Variants in ENTREP2 observed in about 807,000 individuals in gnomAD.
The protein encoded by ENTREP2 is protein ENTREP2.
At chr15:29,544,433 A>AC in the ENTREP2 span, among the ~76,000 whole-genome samples, 1 of 50,080 alleles carries the variant, frequency 2.0e-5, no homozygotes, top group Non-Finnish European at 3.8e-5. Context: ...ATGGCTGCAC[A>AC]GCCATGTGAA....
chr15:29,256,065 C>T, the ENTREP2 span, among the ~76,000 whole-genome samples: 2 of 151,262 alleles, frequency 1.3e-5, no homozygotes, highest in African/African-American at 4.9e-5. Context: ...AGCTGGAGTC[C>T]ATATTATATG....
the ENTREP2 span, among the ~76,000 whole-genome samples, chr15:29,561,491 T>A: frequency 1.3e-5 from 2 of 152,070 alleles, no homozygotes; most frequent in South Asian, 2.1e-4. Context: ...ATCGAGACCA[T>A]CTTGGCTAAC....
At chr15:29,555,130 G>C in the ENTREP2 span, among the ~76,000 whole-genome samples, 1 of 152,214 alleles carries the variant, frequency 6.6e-6, no homozygotes. Flanking sequence ...CACAGAGAGA[G>C]AAGGAACCGG....
At chr15:29,537,775 G>A in the ENTREP2 span, among the ~76,000 whole-genome samples, 1 of 152,132 alleles carries the variant, frequency 6.6e-6, no homozygotes, top group South Asian at 2.1e-4. Flanking sequence ...CAGTGACTCA[G>A]GAGGCCCCTA....
the ENTREP2 span, among the ~76,000 whole-genome samples, chr15:29,235,722 T>C: frequency 1.3e-5 from 2 of 152,046 alleles, no homozygotes; most frequent in Non-Finnish European, 1.5e-5. Context: ...ACCCAGCACT[T>C]TGGGAGGCCA....
At chr15:29,289,492 TTATCTAC>T in the ENTREP2 span, among the ~76,000 whole-genome samples, 274 of 152,184 alleles carry the variant, frequency 1.8e-3, no homozygotes, top group African/African-American at 6.4e-3. Context: ...TGATCTGGCA[TTATCTAC>T]TAAAGTTGAA....
the ENTREP2 span, among the ~76,000 whole-genome samples, chr15:29,429,983 C>G: frequency 6.6e-6 from 1 of 152,352 alleles, no homozygotes; most frequent in Non-Finnish European, 1.5e-5. Flanking sequence ...TTTCAAATAC[C>G]TATTGAACCT....
At chr15:29,494,730 T>G in the ENTREP2 span, among the ~76,000 whole-genome samples, 2 of 152,230 alleles carry the variant, frequency 1.3e-5, no homozygotes, top group East Asian at 3.8e-4. Flanking sequence ...GTTTTTAGAT[T>G]CCACATATAA....
At chr15:29,531,822 C>T in the ENTREP2 span, among the ~76,000 whole-genome samples, 1 of 152,096 alleles carries the variant, frequency 6.6e-6, no homozygotes, top group Non-Finnish European at 1.5e-5. Context: ...CCCACCACCA[C>T]GCCTGGCTAA....
the ENTREP2 span, chr15:29,269,929 A>G: frequency 2.1e-6 from 1 of 485,200 alleles, no homozygotes; most frequent in Non-Finnish European, 3.6e-6. Context: ...GCAGCCCTGC[A>G]GGTCCGGGCG....
the ENTREP2 span, among the ~76,000 whole-genome samples, chr15:29,207,346 T>C: frequency 6.6e-6 from 1 of 150,760 alleles, no homozygotes; most frequent in Non-Finnish European, 1.5e-5. Context: ...GTTACAGCTC[T>C]TAAAGATTGC....
chr15:29,482,163 A>C, the ENTREP2 span, among the ~76,000 whole-genome samples: 2 of 96,770 alleles, frequency 2.1e-5, no homozygotes, highest in Non-Finnish European at 2.0e-5. Flanking sequence ...ACAGGCAGCT[A>C]ATTTTTTTTT....
At chr15:29,514,249 C>G in the ENTREP2 span, among the ~76,000 whole-genome samples, 2 of 152,298 alleles carry the variant, frequency 1.3e-5, no homozygotes, top group East Asian at 3.9e-4. Flanking sequence ...CTCCAGCCCC[C>G]GGCAACCACC....
the ENTREP2 span, among the ~76,000 whole-genome samples, chr15:29,291,559 G>A: frequency 1.8e-4 from 28 of 152,266 alleles, no homozygotes; most frequent in African/African-American, 6.7e-4. Context: ...AAATCAGCTT[G>A]TTTCTTCCTG....
chr15:29,253,262 TTTTCCTCTGTGAAATTTACTG>T, the ENTREP2 span, among the ~76,000 whole-genome samples: 2 of 152,260 alleles, frequency 1.3e-5, no homozygotes, highest in African/African-American at 4.8e-5. Flanking sequence ...CCCATCCACT[TTTTCCTCTGTGAAATTTACTG>T]AAGAAACCAG....
chr15:29,265,112 T>C, the ENTREP2 span: 2 of 152,130 alleles, frequency 1.3e-5, no homozygotes, highest in Non-Finnish European at 2.9e-5. Context: ...AAGGGGTAAC[T>C]AAATAGCCCA....
chr15:29,226,271 G>T, the ENTREP2 span, among the ~76,000 whole-genome samples: 1,335 of 152,284 alleles, frequency 8.8e-3, 20 homozygotes, highest in African/African-American at 0.03. Context: ...TGTTTACTTT[G>T]CTAGGAAAGT....
the ENTREP2 span, chr15:29,128,906 G>A: frequency 7.0e-7 from 1 of 1,427,658 alleles, no homozygotes; most frequent in Admixed American, 2.0e-5. Context: ...CTGGTCCGTG[G>A]GAACGCAGCA....
chr15:29,244,984 A>G, the ENTREP2 span, among the ~76,000 whole-genome samples: 1 of 152,222 alleles, frequency 6.6e-6, no homozygotes, highest in Admixed American at 6.5e-5. Flanking sequence ...TGTTATTTGA[A>G]CAGTTTTAGC....
Sources: gnomAD v4.1 joint callset for allele counts (sites outside exome capture counted in the v4.1 genomes callset) on GRCh38, gnomAD v4.1.1 for gene constraint, MANE v1.5 for transcripts, NCBI Gene and HGNC (gene_info 2026-07-23, HGNC 2026-07-21) for gene names.